Variants in RIMS1 observed in about 807,000 individuals in gnomAD.
RIMS1 encodes regulating synaptic membrane exocytosis 1.
A neutral mutation model predicts 214.1 loss-of-function variants in RIMS1; 83 were observed. That is an observed-to-expected ratio of 0.39 (90% CI 0.32 to 0.47). RIMS1 has a LOEUF of 0.47. RIMS1 is among the 20% of genes least tolerant of loss of function. The pLI is 0.99. For synonymous variants in RIMS1, 793 were observed against 786.8 expected, an observed-to-expected ratio of 1.01 and a Z score of -0.13; for missense variants, 2,050 against 2,161.8, an observed-to-expected ratio of 0.95 and a Z score of 1.03.
intron 29 of RIMS1, among the ~76,000 whole-genome samples, chr6:72,345,043 A>G (rs1441664197): frequency 2.0e-5 from 3 of 151,882 alleles, no homozygotes; most frequent in Admixed American, 6.6e-5. Flanking sequence ...ATTTTTAACT[A>G]TACTAAGATG....
chr6:72,122,362 A>G lies in RIMS1; in HGVS notation c.471+22376A>G, dbSNP rs375381711. 3.0e-3 allele frequency among the ~76,000 whole-genome samples: 447 copies of G among 151,082 alleles called. 2 individuals are homozygous for G. The highest frequency in any genetic ancestry group is 1.0e-2 in the African/African-American group (412 of 41,302). The stretch of plus-strand genomic sequence containing the variant: ...TGGGACTACAGGTGCCTGCCACTGC[A>G]CCTGGCTAATTTTTTTTGTATTTTT... On this transcript the variant is annotated intron_variant, in intron 4 of 33. Transcript: ENST00000521978.
chr6:71,923,922 T>C (rs1780793604), intron 1 of RIMS1, among the ~76,000 whole-genome samples: 1 of 152,174 alleles, frequency 6.6e-6, no homozygotes, highest in Non-Finnish European at 1.5e-5. Context: ...ATTTTGATGC[T>C]TTTTCTGCTT....
chr6:72,268,168 C>T (rs1052680806), intron 22 of RIMS1, among the ~76,000 whole-genome samples: 5 of 152,124 alleles, frequency 3.3e-5, no homozygotes. Context: ...CCTTTGTGAA[C>T]ACGCCTATGA....
intron 1 of RIMS1, among the ~76,000 whole-genome samples, chr6:71,942,833 T>C (rs1786577156): frequency 1.3e-5 from 2 of 152,082 alleles, no homozygotes; most frequent in Admixed American, 6.5e-5. Context: ...GGACAATTTA[T>C]CTAAACATGC....
chr6:72,131,691 C>T (rs149839736), intron 4 of RIMS1, among the ~76,000 whole-genome samples: 74 of 152,316 alleles, frequency 4.9e-4, no homozygotes, highest in African/African-American at 1.7e-3. Flanking sequence ...TCATTGATAA[C>T]ATCTTATCAG....
At chr6:72,345,782 T>C (rs2154362711) in intron 29 of RIMS1, among the ~76,000 whole-genome samples, 1 of 151,874 alleles carries the variant, frequency 6.6e-6, no homozygotes, top group East Asian at 1.9e-4. Flanking sequence ...AACAGTCTTT[T>C]GTATCTGAGC....
intron 2 of RIMS1, among the ~76,000 whole-genome samples, chr6:72,006,349 C>A (rs145896582): frequency 1.9e-4 from 29 of 152,284 alleles, no homozygotes; most frequent in African/African-American, 6.3e-4. Context: ...ACTTGGAGGG[C>A]GGTTCCAAGA....
rs1000864990 is a variant in RIMS1, at chr6:72,258,009, A to C, written c.2771-116A>C. On this transcript the variant is annotated intron_variant, in intron 16 of 33. Transcript: ENST00000521978. Reference sequence around the variant, plus strand: ...AGATAAGGCTATTAATACCGATTGCATGACATTTATTCTTCATAGATCAAT... The same window carrying C: ...AGATAAGGCTATTAATACCGATTGCCTGACATTTATTCTTCATAGATCAAT... 3.3e-5 allele frequency: 30 copies of C among 898,346 alleles called. No individual in the cohort carries two copies. The East Asian group carries it at 7.9e-4, about 24-fold the overall frequency. 55.6% of individuals were successfully genotyped at this position (898,346 alleles called of 1,614,324 possible).
chr6:72,264,626 T>G (rs1490526204), intron 19 of RIMS1, among the ~76,000 whole-genome samples: 1 of 152,202 alleles, frequency 6.6e-6, no homozygotes, highest in East Asian at 1.9e-4. Flanking sequence ...ATTTTTACTT[T>G]TAGCTATGAG....
chr6:71,950,403 C>A (rs895465277), intron 1 of RIMS1, among the ~76,000 whole-genome samples: 4 of 151,894 alleles, frequency 2.6e-5, no homozygotes, highest in African/African-American at 9.7e-5. Flanking sequence ...ATAATGGAAA[C>A]CTCTAGGTAG....
At position 72,366,134 on chromosome 6, in the gene RIMS1, T is replaced by C. The variant is rs78036870; in HGVS notation, c.4367-24464T>C. ...AGAACCTTTTTTTTCTAAGTTTTTC[T>C]ATTTCCAGTGTTCTAGTGTTTTTCT... On this transcript the variant is annotated intron_variant, in intron 29 of 33. Coordinates refer to ENST00000521978, the MANE Select transcript of RIMS1 (RefSeq NM_014989.7). Among the ~76,000 whole-genome samples the C allele has an allele frequency of 8.2e-3, 1,253 of 152,358 alleles. 20 individuals are homozygous for C. Among genetic ancestry groups the C allele is most frequent in the African/African-American group, 0.029 (1,200 of 41,586 alleles).
chr6:72,328,802 CA>C (rs985999790), intron 28 of RIMS1, among the ~76,000 whole-genome samples: 5 of 149,814 alleles, frequency 3.3e-5, no homozygotes, highest in East Asian at 3.9e-4. Flanking sequence ...TAGTAGCATT[CA>C]AAAAAAAATA....
chr6:72,347,215 C>T (rs925635509), intron 29 of RIMS1, among the ~76,000 whole-genome samples: 2 of 151,802 alleles, frequency 1.3e-5, no homozygotes, highest in Admixed American at 6.6e-5. Context: ...TAGCTGTTTA[C>T]ATAAAGTAGT....
chr6:71,971,964 G>A (rs1445566014), intron 2 of RIMS1, among the ~76,000 whole-genome samples: 2 of 152,120 alleles, frequency 1.3e-5, no homozygotes, highest in African/African-American at 4.8e-5. Context: ...AGTTATCCAA[G>A]CATATATATC....
At chr6:72,379,205 C>G (rs1399863238) in intron 29 of RIMS1, among the ~76,000 whole-genome samples, 1 of 152,236 alleles carries the variant, frequency 6.6e-6, no homozygotes, top group Non-Finnish European at 1.5e-5. Flanking sequence ...AGTGTTTAAT[C>G]AAGACTCTTA....
At chr6:71,929,592 C>T (rs531345879) in intron 1 of RIMS1, among the ~76,000 whole-genome samples, 1 of 152,056 alleles carries the variant, frequency 6.6e-6, no homozygotes, top group South Asian at 2.1e-4. Context: ...TCAAAGAGGA[C>T]TTGGTTCCCA....
intron 2 of RIMS1, among the ~76,000 whole-genome samples, chr6:72,076,998 T>C (rs1832059376): frequency 1.3e-5 from 2 of 152,206 alleles, no homozygotes; most frequent in South Asian, 4.1e-4. Flanking sequence ...CAAGGCCTTC[T>C]TGACTTCATG....
At chr6:71,992,624 T>C (rs1052728948) in intron 2 of RIMS1, among the ~76,000 whole-genome samples, 40 of 148,428 alleles carry the variant, frequency 2.7e-4, no homozygotes, top group Non-Finnish European at 5.0e-4. Flanking sequence ...CTTCTTCTTC[T>C]TCTTCCTCTT....
In RIMS1 at chr6:72,400,802, G is replaced by A. The variant is rs2098830892; in HGVS notation, c.*88G>A. On this transcript the variant is annotated 3_prime_UTR_variant, in exon 34 of 34. Coordinates refer to ENST00000521978, the MANE Select transcript of RIMS1 (RefSeq NM_014989.7). ...TATTTCATGATCGAAAGCATTGTTG[G>A]AGACAGACAATCAACTTGTGTTTTG... 1 of 1,077,294 alleles carries A rather than the reference G, an allele frequency of 9.3e-7. No individual in the cohort carries two copies. The allele number at this position is 1,077,294 out of a possible 1,614,324, so 66.7% of individuals were successfully genotyped here.
Sources: gnomAD v4.1 joint callset for allele counts (sites outside exome capture counted in the v4.1 genomes callset) on GRCh38, gnomAD v4.1.1 for gene constraint, MANE v1.5 for transcripts, NCBI Gene and HGNC (gene_info 2026-07-23, HGNC 2026-07-21) for gene names.